Variants in NRXN3 observed in about 807,000 individuals in gnomAD.
NRXN3 encodes neurexin 3.
Under a neutral mutation model 137.6 loss-of-function variants are expected in NRXN3, and 32 were observed. That is an observed-to-expected ratio of 0.23 (90% confidence interval 0.18 to 0.31). NRXN3 has a LOEUF of 0.31. NRXN3 is among the 10% of genes least tolerant of loss of function. NRXN3 has a pLI of 1.00. For synonymous variants in NRXN3, 798 were observed against 784.5 expected (o/e 1.02, Z -0.29); for missense variants, 1,574 against 2,062.5 (o/e 0.76, Z 4.59).
chr14:78,947,958 C>T (rs367788384), intron 10 of NRXN3, among the ~76,000 whole-genome samples: 13 of 152,182 alleles, frequency 8.5e-5, no homozygotes, highest in Middle Eastern at 3.2e-3. Flanking sequence ...GGTCACTTAA[C>T]CTCTTAATCT....
At chr14:79,611,411 A>C (rs147135067) in intron 16 of NRXN3, 1 of 152,366 alleles carries the variant, frequency 6.6e-6, no homozygotes, top group Admixed American at 6.5e-5. Flanking sequence ...CATCCTGGCT[A>C]ACACGGTGAA....
chr14:78,545,635 T>C (rs566735746), intron 4 of NRXN3, among the ~76,000 whole-genome samples: 108 of 152,328 alleles, frequency 7.1e-4, no homozygotes, highest in African/African-American at 2.3e-3. Context: ...TTGTGCATCA[T>C]AGAATAAATA....
chr14:78,803,685 A>G lies in NRXN3; in HGVS notation c.2110A>G (p.Thr704Ala), dbSNP rs752942100. 3.7e-6 allele frequency: 6 copies of G among 1,613,996 alleles called. No individual in the cohort carries two copies. The highest frequency in any genetic ancestry group is 1.7e-5 in the Admixed American group (1 of 60,002). The change falls in exon 9 of 21, where the codon ACT becomes GCT. Residue 704 changes from threonine to alanine, a missense_variant. Coordinates refer to ENST00000335750, the MANE Select transcript of NRXN3 (RefSeq NM_001330195.2). ...GATCATCATGCCCATGGTCATGCAT[A>G]CTGAGGCAGAGGATGTGTCCTTCCG... ...MKIIMPMVMH[T>A]EAEDVSFRFM...
intron 8 of NRXN3, among the ~76,000 whole-genome samples, chr14:78,748,567 G>T (rs577396959): frequency 6.6e-6 from 1 of 152,240 alleles, no homozygotes; most frequent in Admixed American, 6.5e-5. Flanking sequence ...TGGTCAGATG[G>T]GACAGGAGGC....
At chr14:79,627,111 T>C (rs1277075242) in intron 16 of NRXN3, among the ~76,000 whole-genome samples, 2 of 152,218 alleles carry the variant, frequency 1.3e-5, no homozygotes, top group South Asian at 2.1e-4. Context: ...GTTTTTCAGA[T>C]GGCAATTTGT....
intron 16 of NRXN3, among the ~76,000 whole-genome samples, chr14:79,652,160 T>C (rs2098479414): frequency 6.6e-6 from 1 of 152,132 alleles, no homozygotes; most frequent in Non-Finnish European, 1.5e-5. Context: ...GTTTTAAGGT[T>C]TTATTCAAAC....
chr14:78,622,079 A>G (rs538846303), intron 4 of NRXN3, among the ~76,000 whole-genome samples: 2 of 152,322 alleles, frequency 1.3e-5, no homozygotes, highest in South Asian at 4.1e-4. Flanking sequence ...AGTTATGTTC[A>G]TAATTTAAAG....
intron 2 of NRXN3, among the ~76,000 whole-genome samples, chr14:78,257,325 C>T (rs1448739161): frequency 6.6e-6 from 1 of 152,232 alleles, no homozygotes; most frequent in Non-Finnish European, 1.5e-5. Context: ...ACATGGATAT[C>T]TGTAATGTAC....
intron 15 of NRXN3, among the ~76,000 whole-genome samples, chr14:79,024,614 C>G (rs954426335): frequency 2.0e-5 from 3 of 152,010 alleles, no homozygotes; most frequent in Non-Finnish European, 2.9e-5. Flanking sequence ...CATTTTAGTG[C>G]AGGAATGTTG....
At chr14:79,203,611 A>G (rs942913441) in intron 15 of NRXN3, among the ~76,000 whole-genome samples, 29 of 152,336 alleles carry the variant, frequency 1.9e-4, no homozygotes, top group Admixed American at 1.3e-3. Flanking sequence ...CTAATAACCC[A>G]GTAACCTTGG....
At chr14:78,644,581 T>C (rs1306474415) in intron 4 of NRXN3, among the ~76,000 whole-genome samples, 1 of 152,212 alleles carries the variant, frequency 6.6e-6, no homozygotes, top group Non-Finnish European at 1.5e-5. Flanking sequence ...AACTCAGCCA[T>C]GTTCCAGGGG....
intron 1 of NRXN3, among the ~76,000 whole-genome samples, chr14:78,229,012 A>T (rs1403634304): frequency 2.0e-5 from 3 of 152,292 alleles, no homozygotes; most frequent in East Asian, 1.9e-4. Context: ...CTGTTCAAGA[A>T]TTTTTTTGCA....
At chr14:79,304,035 A>G (rs2085601268) in intron 15 of NRXN3, among the ~76,000 whole-genome samples, 1 of 152,096 alleles carries the variant, frequency 6.6e-6, no homozygotes, top group Non-Finnish European at 1.5e-5. Context: ...ATCATCTCAC[A>G]TAAACCTTTT....
intron 16 of NRXN3, among the ~76,000 whole-genome samples, chr14:79,639,455 T>C (rs2098421880): frequency 6.6e-6 from 1 of 152,332 alleles, no homozygotes; most frequent in East Asian, 1.9e-4. Context: ...TTAGTTGTAG[T>C]TGAGTACTAA....
At chr14:78,856,932 C>T (rs1160482725) in intron 10 of NRXN3, among the ~76,000 whole-genome samples, 1 of 152,118 alleles carries the variant, frequency 6.6e-6, no homozygotes, top group East Asian at 1.9e-4. Context: ...ATGGTTTCAC[C>T]ATGTTGGCCA....
chr14:78,193,903 C>G (rs2060979280), intron 1 of NRXN3, among the ~76,000 whole-genome samples: 1 of 152,130 alleles, frequency 6.6e-6, no homozygotes. Flanking sequence ...GAGGGCTCTG[C>G]CTTTCTCTCT....
At chr14:78,438,709 C>T (rs1027429865) in intron 4 of NRXN3, among the ~76,000 whole-genome samples, 3 of 151,974 alleles carry the variant, frequency 2.0e-5, no homozygotes, top group African/African-American at 7.3e-5. Flanking sequence ...AAGCCTAGCC[C>T]CTGAGGGACA....
chr14:78,845,099 T>C (rs1271057864), intron 10 of NRXN3, among the ~76,000 whole-genome samples: 2 of 152,084 alleles, frequency 1.3e-5, no homozygotes, highest in Non-Finnish European at 2.9e-5. Context: ...ATTGGCTAAA[T>C]TAAAATATAA....
At chr14:78,363,575 C>T (rs745803455) in intron 4 of NRXN3, among the ~76,000 whole-genome samples, 18 of 152,256 alleles carry the variant, frequency 1.2e-4, no homozygotes, top group South Asian at 1.0e-3. Context: ...ATGTCAGAAC[C>T]TCAACTTGAA....
Sources: allele counts gnomAD v4.1 joint callset (sites outside exome capture counted in the v4.1 genomes callset), GRCh38; gene constraint gnomAD v4.1.1; transcripts MANE v1.5; gene names NCBI Gene and HGNC (gene_info 2026-07-23, HGNC 2026-07-21).